Variants in C6orf89 observed in about 807,000 individuals in gnomAD.
C6orf89 encodes the protein bombesin receptor-activated protein C6orf89.
Under a neutral mutation model 40.7 loss-of-function variants are expected in C6orf89, and 29 were observed. The observed-to-expected ratio is 0.71, with a 90% CI of 0.53 to 0.97. The LOEUF is 0.97. C6orf89 is among the 50% of genes least tolerant of loss of function. C6orf89 has a pLI of 0.00. For synonymous variants in C6orf89, 165 were observed against 152.2 expected (o/e 1.08, Z -0.62); for missense variants, 392 against 429.1 (o/e 0.91, Z 0.76).
intron 3 of C6orf89, among the ~76,000 whole-genome samples, chr6:36,900,823 C>G (rs1761653233): frequency 6.6e-6 from 1 of 151,332 alleles, no homozygotes; most frequent in Admixed American, 6.6e-5. Flanking sequence ...CAGGTGTGAG[C>G]CACTGCAGCC....
At chr6:36,885,899 A>C, upstream of C6orf89, 23 of 629,312 alleles carry the variant, frequency 3.7e-5, no homozygotes, top group Admixed American at 1.0e-4. Context: ...ACTCTAGGGT[A>C]CAAGGCCTCG....
rs757919569 is a variant in C6orf89 at position 36,899,599 on chromosome 6, C to G, written c.155C>G (p.Pro52Arg). 9 of 1,614,162 alleles carry G rather than the reference C, an allele frequency of 5.6e-6. No individual in the cohort carries two copies. The South Asian group carries it at 6.6e-5, about 12-fold the overall frequency. Residue 52 changes from proline (P) to arginine (R), a missense_variant, in exon 3 of 9, where the codon CCC (proline) becomes CGC (arginine). Transcript: ENST00000480824. ...LLEKNEPQRPPPQYPLLIVVY... is the reference protein window; with the variant it reads ...LLEKNEPQRPRPQYPLLIVVY... ...GAAAAGAATGAACCTCAGAGACCCC[C>G]CCCGCAGTATCCTCTCCTTATAGTT...
At chr6:36,879,482 T>C (rs981951694) in intron 2 of C6orf89, among the ~76,000 whole-genome samples, 1 of 151,876 alleles carries the variant, frequency 6.6e-6, no homozygotes, top group African/African-American at 2.4e-5. Context: ...AGCAAAAGAG[T>C]AAGAATTTCT....
intron 6 of C6orf89, 149 bp from the exon 7 acceptor site, chr6:36,916,296 C>T (rs1762319135): frequency 1.3e-6 from 1 of 769,042 alleles, no homozygotes; most frequent in African/African-American, 1.7e-5. Flanking sequence ...TGCAACTATT[C>T]TTCAGGGACC....
intron 6 of C6orf89, among the ~76,000 whole-genome samples, chr6:36,915,726 G>A (rs145915248): frequency 6.6e-6 from 1 of 151,918 alleles, no homozygotes; most frequent in Admixed American, 6.5e-5. Context: ...AAGGTTGGGG[G>A]AGGGGGAAAG....
intron 7 of C6orf89, 46 bp from the exon 8 acceptor site, chr6:36,919,532 G>A (rs2272276): frequency 0.24 from 373,019 of 1,580,524 alleles, 45,216 homozygotes; most frequent in East Asian, 0.32. Context: ...GTTTTATTTC[G>A]TTTTCTTTGC....
Position 36,925,814 on chromosome 6 carries a change from G to C in C6orf89, c.*2373G>C, listed in dbSNP as rs1272126861. ...TGCCATCTAGCTGGAAGCATCAAAAGTCCCTCTGTATGACCCGGTGTGGGA... is the reference window on the plus strand; with the variant it reads ...TGCCATCTAGCTGGAAGCATCAAAACTCCCTCTGTATGACCCGGTGTGGGA... On this transcript the variant is annotated 3_prime_UTR_variant, in exon 9 of 9. Coordinates refer to ENST00000480824, the MANE Select transcript of C6orf89 (RefSeq NM_001286635.2). 1 of 152,250 alleles carries C rather than the reference G, an allele frequency of 6.6e-6. No homozygotes were observed. Among genetic ancestry groups the C allele is most frequent in the African/African-American group, 2.4e-5 (1 of 41,458 alleles). The allele number at this position is 152,250 out of a possible 1,614,324, so 9.4% of individuals were successfully genotyped here. A position where few individuals can be genotyped will look rare whatever the true frequency, so the allele number is the denominator to read the frequency against.
At chr6:36,902,151 T>C in intron 3 of C6orf89, 70 bp from the exon 4 acceptor site, 1 of 1,343,732 alleles carries the variant, frequency 7.4e-7, no homozygotes, top group East Asian at 2.3e-5. Flanking sequence ...GCCTGTTTTG[T>C]TTTGTTTTTT....
rs1236264671 is a variant in C6orf89, at chr6:36,924,669, ATTATTC to A, written c.*1231_*1236del. The A allele has an allele frequency of 1.3e-5, 2 of 151,922 alleles. No homozygotes were observed. Among genetic ancestry groups the A allele is most frequent in the Non-Finnish European group, 2.9e-5 (2 of 67,966 alleles). 9.4% of individuals were successfully genotyped at this position (151,922 alleles called of 1,614,324 possible). A position where few individuals can be genotyped will look rare whatever the true frequency, so the allele number is the denominator to read the frequency against. On this transcript the variant is annotated 3_prime_UTR_variant, in exon 9 of 9. Transcript: ENST00000480824. ...GTTCCTTTTATTTTTTTCTCTCTTT[ATTATTC>A]TTTTATTGACACCACTAGATAGCTG... is the stretch of plus-strand genomic sequence containing the variant.
intron 6 of C6orf89, among the ~76,000 whole-genome samples, chr6:36,915,010 G>A (rs186572371): frequency 5.6e-4 from 85 of 152,182 alleles, no homozygotes; most frequent in Admixed American, 2.4e-3. Context: ...GGGGGCTATG[G>A]GGGCACTTAG....
intron 1 of C6orf89, among the ~76,000 whole-genome samples, chr6:36,894,241 T>G (rs1318484970): frequency 6.6e-6 from 1 of 152,194 alleles, no homozygotes; most frequent in African/African-American, 2.4e-5. Flanking sequence ...CCTCCCAGCA[T>G]CCACACTAGT....
In C6orf89 at chr6:36,923,721, T is replaced by G. The variant is rs1350141106; in HGVS notation, c.*280T>G. ...TGACCTCTTCCGGGCCTTTGGACACTATGACCTTGATGCTGCCCTTCAGGC... is the reference window on the plus strand; with the variant it reads ...TGACCTCTTCCGGGCCTTTGGACACGATGACCTTGATGCTGCCCTTCAGGC... On this transcript the variant is annotated 3_prime_UTR_variant, in exon 9 of 9. Coordinates refer to ENST00000480824, the MANE Select transcript of C6orf89 (RefSeq NM_001286635.2). The G allele has an allele frequency of 9.6e-6, 4 of 415,084 alleles. No individual in the cohort carries two copies. In the Admixed American group the frequency reaches 1.4e-4, roughly 15 times the overall value. The allele number at this position is 415,084 out of a possible 1,614,324, so 25.7% of individuals were successfully genotyped here.
chr6:36,922,065 G>A (rs1420737805), intron 8 of C6orf89, among the ~76,000 whole-genome samples: 2 of 152,152 alleles, frequency 1.3e-5, no homozygotes. Context: ...AGCCATGCGC[G>A]ATGGCTCACG....
intron 4 of C6orf89, among the ~76,000 whole-genome samples, chr6:36,903,383 C>G (rs547480472): frequency 6.6e-6 from 1 of 151,938 alleles, no homozygotes; most frequent in Non-Finnish European, 1.5e-5. Context: ...AACCATGATC[C>G]GAAACTTTTA....
intron 4 of C6orf89, among the ~76,000 whole-genome samples, chr6:36,909,713 G>T (rs1230268398): frequency 6.6e-6 from 1 of 150,912 alleles, no homozygotes; most frequent in African/African-American, 2.4e-5. Flanking sequence ...GCCCGGGGAG[G>T]TCAAGGCCAC....
At chr6:36,911,933 C>CG (rs975742969) in intron 4 of C6orf89, among the ~76,000 whole-genome samples, 6 of 136,464 alleles carry the variant, frequency 4.4e-5, no homozygotes, top group Admixed American at 2.9e-4. Context: ...ACAGTGAACC[C>CG]CCCCCCCCCG....
At chr6:36,891,036 G>A (rs1002229373) in intron 1 of C6orf89, among the ~76,000 whole-genome samples, 1 of 152,008 alleles carries the variant, frequency 6.6e-6, no homozygotes, top group Non-Finnish European at 1.5e-5. Flanking sequence ...GGGTACATGT[G>A]CACAACGTGT....
At chr6:36,876,738 AAAAG>A (rs1368082604) in intron 1 of C6orf89, among the ~76,000 whole-genome samples, 2 of 113,604 alleles carry the variant, frequency 1.8e-5, no homozygotes, top group East Asian at 2.2e-4. Context: ...AAAAAAAAAA[AAAAG>A]AAGAAGAAGA....
At chr6:36,903,481 T>C (rs1278183345) in intron 4 of C6orf89, among the ~76,000 whole-genome samples, 1 of 152,002 alleles carries the variant, frequency 6.6e-6, no homozygotes, top group South Asian at 2.1e-4. Context: ...TTTTTTTGAG[T>C]TGGAGTCTCG....
Sources: allele counts gnomAD v4.1 joint callset (sites outside exome capture counted in the v4.1 genomes callset), GRCh38; gene constraint gnomAD v4.1.1; transcripts MANE v1.5; gene names NCBI Gene and HGNC (gene_info 2026-07-23, HGNC 2026-07-21).